Variants in ALDH4A1 observed in about 807,000 individuals in gnomAD.
ALDH4A1 encodes aldehyde dehydrogenase 4 family member A1, also known as delta-1-pyrroline-5-carboxylate dehydrogenase, mitochondrial.
Under a neutral mutation model 70.5 loss-of-function variants are expected in ALDH4A1, and 46 were observed. That is an observed-to-expected ratio of 0.65 (90% CI 0.51 to 0.83). ALDH4A1 has a LOEUF of 0.83. ALDH4A1 is among the 40% of genes least tolerant of loss of function. The pLI, the probability that ALDH4A1 is intolerant of heterozygous loss-of-function variation, is 0.00. For missense variants in ALDH4A1, 749 were observed against 766.5 expected (o/e 0.98, Z 0.27); for synonymous variants, 323 against 324.3 (o/e 1.00, Z 0.04).
Position 18,883,270 on chromosome 1 carries a change from T to TG in ALDH4A1, c.603+8dup, listed in dbSNP as rs1314279522. 6.8e-6 allele frequency: 11 copies of TG among 1,613,064 alleles called. No homozygotes were observed. In the Admixed American group the frequency reaches 1.8e-4, roughly 27 times the overall value. On this transcript the variant is annotated intron_variant, in intron 6 of 14. Coordinates refer to ENST00000375341, the MANE Select transcript of ALDH4A1 (RefSeq NM_003748.4). ...CCCCGCCTGCTCGCCCACTGCCTCC[T>TG]GCAGGTACCTCCAGACCCCGGTACA...
Position 18,872,630 on chromosome 1 carries a change from T to G in ALDH4A1, c.*215A>C. The stretch of plus-strand genomic sequence containing the variant: ...CATACCTCCCACATGGCCGATGGGA[T>G]AAGGGGTAGTGGCCATGTTCCTCCC... On this transcript the variant is annotated 3_prime_UTR_variant, in exon 15 of 15. Coordinates refer to ENST00000375341, the MANE Select transcript of ALDH4A1 (RefSeq NM_003748.4). 17 of 509,274 alleles carry G rather than the reference T, an allele frequency of 3.3e-5. No individual in the cohort carries two copies. The highest frequency in any genetic ancestry group is 1.1e-3 in the Middle Eastern group (2 of 1,896). The allele number at this position is 509,274 out of a possible 1,614,324, so 31.5% of individuals were successfully genotyped here.
In ALDH4A1 at chr1:18,880,254, C is replaced by A. The variant is rs943604392; in HGVS notation, c.867-881G>T. ...AAGGACCCTGAGCTGCAGACCCGGG[C>A]GTCTGGCTGCCTCCAGGCATCTCCA... On this transcript the variant is annotated intron_variant, in intron 8 of 14. Coordinates refer to ENST00000375341, the MANE Select transcript of ALDH4A1 (RefSeq NM_003748.4). This position sits in a 1 kb window ranked among gnomAD's most constrained non-coding sequence, Gnocchi z 5.1. 1.3e-5 allele frequency among the ~76,000 whole-genome samples: 2 copies of A among 150,850 alleles called. No individual in the cohort carries two copies. The highest frequency in any genetic ancestry group is 2.0e-4 in the East Asian group (1 of 5,098).
chr1:18,882,722 C>T (rs1271134730), intron 7 of ALDH4A1: 1 of 564,302 alleles, frequency 1.8e-6, no homozygotes, highest in Non-Finnish European at 3.5e-6. Context: ...TTGACAGCAG[C>T]AGGCACGTGG....
chr1:18,885,207 T>C lies in ALDH4A1; in HGVS notation c.453+266A>G, dbSNP rs1343571061. The C allele has an allele frequency of 3.4e-5, 18 of 525,848 alleles. No individual in the cohort carries two copies. The East Asian group carries it at 6.1e-4, about 18-fold the overall frequency. 32.6% of individuals were successfully genotyped at this position (525,848 alleles called of 1,614,324 possible). On this transcript the variant is annotated intron_variant, in intron 5 of 14. Coordinates refer to ENST00000375341, the MANE Select transcript of ALDH4A1 (RefSeq NM_003748.4). ...GGCCACCACCAGTCCAGGCAAAGCA[T>C]GACAAAGGCCTAGGAGCGAGGACAG...
rs1472343244 is a variant in ALDH4A1, at chr1:18,874,594, G to A, written c.1461-13C>T. On this transcript the variant is annotated splice_polypyrimidine_tract_variant and intron_variant, in intron 13 of 14. Transcript: ENST00000375341. ...CTGCACGACGTCCCTACAAAGCAGA[G>A]CAGTGGTGACAGAGCAACCAGCTCA... The A allele has an allele frequency of 5.0e-6, 8 of 1,613,822 alleles. No individual in the cohort carries two copies. The highest frequency in any genetic ancestry group is 1.7e-5 in the Admixed American group (1 of 60,034).
chr1:18,883,647 G>A (rs965539425), intron 5 of ALDH4A1, among the ~76,000 whole-genome samples: 7 of 152,234 alleles, frequency 4.6e-5, no homozygotes, highest in Admixed American at 3.3e-4. Flanking sequence ...TGGGCTGGAC[G>A]GGGATCAGAA....
At chr1:18,900,519 T>C (rs1935764498) in intron 1 of ALDH4A1, among the ~76,000 whole-genome samples, 1 of 152,164 alleles carries the variant, frequency 6.6e-6, no homozygotes, top group African/African-American at 2.4e-5. Flanking sequence ...CCAGGGTTTT[T>C]TTCGTAATTG....
At chr1:18,887,308 CTT>C (rs1343468986) in intron 3 of ALDH4A1, among the ~76,000 whole-genome samples, 1 of 152,260 alleles carries the variant, frequency 6.6e-6, no homozygotes, top group South Asian at 2.1e-4. Flanking sequence ...CCTAAAGAAA[CTT>C]CCCTGTTGGC....
Position 18,902,465 on chromosome 1 carries a change from G to A in ALDH4A1, c.59C>T (p.Ala20Val). The change falls in exon 1 of 15, where the codon GCC becomes GTC. Residue 20 changes from alanine to valine, a missense_variant. By Grantham distance (64) the Ala-to-Val change is moderately conservative. Transcript: ENST00000375341. ...RALLSRPWTG[A>V]GLRWKHTSSL... ...CCCGGGCCCCGTGCTCACTCACCCG[G>A]CCCCGGTCCAGGGGCGGGACAGCAG... The A allele has an allele frequency of 7.1e-7, 1 of 1,401,158 alleles. No individual in the cohort carries two copies. The highest frequency in any genetic ancestry group is 1.5e-5 in the South Asian group (1 of 66,254). The allele number at this position is 1,401,158 out of a possible 1,614,324, so 86.8% of individuals were successfully genotyped here. A position where few individuals can be genotyped will look rare whatever the true frequency, so the allele number is the denominator to read the frequency against.
In ALDH4A1 at chr1:18,897,256, C is replaced by A. The variant is rs1033079683; in HGVS notation, c.62+5206G>T. 21 of 360,022 alleles carry A rather than the reference C, an allele frequency of 5.8e-5. 1 individual carries two copies. The Admixed American group carries it at 6.2e-4, about 11-fold the overall frequency. The allele number at this position is 360,022 out of a possible 1,614,324, so 22.3% of individuals were successfully genotyped here. On this transcript the variant is annotated intron_variant, in intron 1 of 14. Coordinates refer to ENST00000375341, the MANE Select transcript of ALDH4A1 (RefSeq NM_003748.4). ...CCAAGCAAGTCCAATATACAAAACA[C>A]TTCCGGCCAGGCGCAGTGGCTCATG... is the stretch of plus-strand genomic sequence containing the variant.
In ALDH4A1 at chr1:18,872,198, C is replaced by G. The variant is rs1934468578; in HGVS notation, c.*647G>C. On this transcript the variant is annotated 3_prime_UTR_variant, in exon 15 of 15. Transcript: ENST00000375341. ...GGTGGCCTCCAGCGGCCCCCCAACC[C>G]CGCCATGTGGTGCAGACCGGGAATC... The G allele has an allele frequency of 6.6e-6, 1 of 152,556 alleles. No individual in the cohort carries two copies. The highest frequency in any genetic ancestry group is 2.4e-5 in the African/African-American group (1 of 41,482). The allele number at this position is 152,556 out of a possible 1,614,324, so 9.5% of individuals were successfully genotyped here.
chr1:18,878,130 C>T (rs7365410), intron 9 of ALDH4A1, among the ~76,000 whole-genome samples: 28,401 of 152,164 alleles, frequency 0.19, 2,831 homozygotes, highest in Non-Finnish European at 0.23. Flanking sequence ...TTCACTCTCC[C>T]GGCCTCAGTT....
chr1:18,876,244 G>A, intron 12 of ALDH4A1, 71 bp downstream of exon 12: 4 of 1,574,786 alleles, frequency 2.5e-6, no homozygotes, highest in Non-Finnish European at 3.5e-6. Flanking sequence ...ATGTCTCCAG[G>A]AGAACTGTGT....
intron 7 of ALDH4A1, chr1:18,882,509 AGAG>A (rs1935021771): frequency 1.9e-6 from 1 of 514,828 alleles, no homozygotes; most frequent in South Asian, 1.4e-5. Flanking sequence ...CGATAATGGC[AGAG>A]GAGTGACTTG....
At position 18,898,192 on chromosome 1, in the gene ALDH4A1, G is replaced by A. The variant is rs1935687228; in HGVS notation, c.62+4270C>T. On this transcript the variant is annotated intron_variant, in intron 1 of 14. Transcript: ENST00000375341. This position sits in a 1 kb window ranked among gnomAD's most constrained non-coding sequence, Gnocchi z 4.3. ...ACAAAAATTAGCTGGGTATGGTGAT[G>A]TGCGCCTGTAGTTCCAGCTACTTGG... 1.3e-5 allele frequency among the ~76,000 whole-genome samples: 2 copies of A among 152,046 alleles called. No individual in the cohort carries two copies. The highest frequency in any genetic ancestry group is 2.1e-4 in the South Asian group (1 of 4,812).
At chr1:18,892,723 C>A (rs938841959) in intron 1 of ALDH4A1, among the ~76,000 whole-genome samples, 1 of 152,080 alleles carries the variant, frequency 6.6e-6, no homozygotes, top group Admixed American at 6.5e-5. Context: ...TCCCCACCCC[C>A]ACTCTGCCTC....
At chr1:18,890,968 C>T in intron 1 of ALDH4A1, 3 of 912,616 alleles carry the variant, frequency 3.3e-6, no homozygotes, top group Non-Finnish European at 3.9e-6. Flanking sequence ...CTGAGCTCAG[C>T]TCACAGCCCC....
intron 1 of ALDH4A1, among the ~76,000 whole-genome samples, chr1:18,897,716 G>A (rs752468185): frequency 2.0e-5 from 3 of 152,202 alleles, no homozygotes; most frequent in Non-Finnish European, 4.4e-5. Flanking sequence ...TCCTTACTCA[G>A]GAGACTTACA....
At chr1:18,887,958 G>A (rs1212744822) in intron 3 of ALDH4A1, among the ~76,000 whole-genome samples, 2 of 152,170 alleles carry the variant, frequency 1.3e-5, no homozygotes, top group African/African-American at 2.4e-5. Context: ...ATGAAGCAGG[G>A]AGAAATTTCA....
Sources: gnomAD v4.1 joint callset for allele counts (sites outside exome capture counted in the v4.1 genomes callset) on GRCh38, gnomAD v4.1.1 for gene constraint, Gnocchi (gnomAD v3.1) non-coding constraint, MANE v1.5 for transcripts, NCBI Gene and HGNC (gene_info 2026-07-23, HGNC 2026-07-21) for gene names.